Variants in NBPF10 observed in about 807,000 individuals in gnomAD.
NBPF10 encodes the protein NBPF member 10.
Under a neutral mutation model 77.9 loss-of-function variants are expected in NBPF10, and 63 were observed. The ratio of observed to expected loss-of-function variants is 0.81; its 90% CI spans 0.66 to 1.00. The LOEUF (loss-of-function observed/expected upper bound fraction) is 1.00. Ranked by LOEUF, NBPF10 falls within the 50% of genes least tolerant of loss-of-function variation. NBPF10 has a pLI of 0.00. For missense variants in NBPF10, 522 were observed against 679.8 expected (o/e 0.77, Z 2.58); for synonymous variants, 146 against 264.5 (o/e 0.55, Z 4.35).
At chr1:146,143,505 GAGGT>G (rs1165041362) in intron 1 of NBPF10, among the ~76,000 whole-genome samples, 1 of 119,804 alleles carries the variant, frequency 8.3e-6, no homozygotes, top group Admixed American at 9.4e-5. Context: ...GCAATTTACA[GAGGT>G]AGGTATTATT....
chr1:146,126,702 G>T (rs1156495415), intron 13 of NBPF10, among the ~76,000 whole-genome samples: 1 of 146,110 alleles, frequency 6.8e-6, no homozygotes, highest in African/African-American at 2.5e-5. Flanking sequence ...CTGTATTTGT[G>T]CTCTCAGGAC....
chr1:146,067,466 TC>T (rs1237155059), intron 88 of NBPF10, among the ~76,000 whole-genome samples, 178 bp from the exon 89 acceptor site: 1 of 135,830 alleles, frequency 7.4e-6, no homozygotes, highest in Admixed American at 7.7e-5. Flanking sequence ...TCGGTTTTTC[TC>T]CCAGAAACTG....
At chr1:146,142,313 T>G (rs6424355) in intron 2 of NBPF10, among the ~76,000 whole-genome samples, 2,168 of 125,240 alleles carry the variant, frequency 0.017, 111 homozygotes, top group African/African-American at 0.047. Flanking sequence ...AGGAGGTGAT[T>G]CTCACTAAGG....
rs371475271 is a variant in NBPF10 at position 146,125,059 on chromosome 1, GGAGA to G, written c.2079-203_2079-200del. Among the ~76,000 whole-genome samples, 6 of 69,592 alleles carry G rather than the reference GGAGA, an allele frequency of 8.6e-5. No homozygotes were observed. In the South Asian group the frequency reaches 2.4e-3, roughly 28 times the overall value. 45.7% of individuals were successfully genotyped at this position (69,592 alleles called of 152,430 possible). On this transcript the variant is annotated intron_variant, in intron 15 of 89. Coordinates refer to ENST00000583866, the Ensembl canonical transcript of NBPF10. ...GAATGAAAGAGAAAGACAGGGAGAG[GGAGA>G]GAGAGAGAGAGAGAGAGAGGAGAAA...
At chr1:146,085,866 G>A (rs4094368) in intron 65 of NBPF10, among the ~76,000 whole-genome samples, 1 of 12,212 alleles carries the variant, frequency 8.2e-5, no homozygotes, top group Non-Finnish European at 1.5e-4. Context: ...CAGCATACAG[G>A]GATCATGAAA....
chr1:146,134,359 C>T (rs1177830181), intron 8 of NBPF10, 94 bp from the exon 9 acceptor site: 6 of 1,009,182 alleles, frequency 5.9e-6, no homozygotes, highest in Non-Finnish European at 9.1e-6. Context: ...AACATCTAGG[C>T]ATGGGTCACC....
chr1:146,142,340 T>C (rs60767174), intron 2 of NBPF10, among the ~76,000 whole-genome samples: 1 of 131,290 alleles, frequency 7.6e-6, no homozygotes, highest in Non-Finnish European at 1.8e-5. Flanking sequence ...GGGGTGGCGA[T>C]AGCACACCAT....
chr1:146,126,462 A>G (rs1553790043), intron 13 of NBPF10, 54 bp from the exon 14 acceptor site: 1 of 778,728 alleles, frequency 1.3e-6, no homozygotes, highest in African/African-American at 1.7e-5. Context: ...GAAACCACAC[A>G]GCCCCAGCTA....
In NBPF10 at chr1:146,126,089, C is replaced by G. The variant is rs373813792; in HGVS notation, c.2026+147G>C. 1,879 of 645,510 alleles carry G rather than the reference C, an allele frequency of 2.9e-3. 63 individuals are homozygous for G. The East Asian group carries it at 0.042, about 15-fold the overall frequency. The allele number at this position is 645,510 out of a possible 1,614,324, so 40.0% of individuals were successfully genotyped here. Reference sequence around the variant, plus strand: ...CCCTTGTCTGGGCTTCCAAGTGGAACTAGAGTTTCATTCAACCTACATGTG... The same window carrying G: ...CCCTTGTCTGGGCTTCCAAGTGGAAGTAGAGTTTCATTCAACCTACATGTG... On this transcript the variant is annotated intron_variant, in intron 14 of 89. Transcript: ENST00000583866.
At chr1:146,126,119 T>C (rs1295784489) in intron 14 of NBPF10, 117 bp downstream of exon 14, 8 of 737,462 alleles carry the variant, frequency 1.1e-5, no homozygotes, top group Admixed American at 4.0e-5. Context: ...CATGTGCCTA[T>C]AGGTCCTCCC....
intron 4 of NBPF10, among the ~76,000 whole-genome samples, chr1:146,140,262 G>C (rs1660167106): frequency 7.9e-6 from 1 of 125,814 alleles, no homozygotes; most frequent in Non-Finnish European, 1.9e-5. Flanking sequence ...GAGCTGAGGA[G>C]GATGAAGACT....
At chr1:146,139,092 CTTTTTTTTTTTTTT>C (rs782186835) in intron 5 of NBPF10, among the ~76,000 whole-genome samples, 36 of 82,424 alleles carry the variant, frequency 4.4e-4, no homozygotes, top group South Asian at 3.7e-3. Context: ...CAGAGACTTA[CTTTTTTTTTTTTTT>C]TTTTTTTTTT....
At chr1:146,126,596 G>GAC (rs56881979) in intron 13 of NBPF10, among the ~76,000 whole-genome samples, 188 bp from the exon 14 acceptor site, 2,302 of 113,628 alleles carry the variant, frequency 0.02, 183 homozygotes, top group East Asian at 0.044. Flanking sequence ...GAACGAGAAA[G>GAC]ACACACACAC....
intron 14 of NBPF10, among the ~76,000 whole-genome samples, chr1:146,126,010 T>A (rs139233198): frequency 1.3e-5 from 2 of 151,272 alleles, no homozygotes; most frequent in Admixed American, 1.3e-4. Flanking sequence ...AGTAGGATTA[T>A]GGTGCCACAG....
exon 86 of NBPF10, chr1:146,069,547 C>T (rs782383917): frequency 7.5e-6 from 7 of 927,364 alleles, no homozygotes; most frequent in African/African-American, 2.6e-5. Context: ...ACTCACCATC[C>T]ATGTCAACAG....
intron 77 of NBPF10, among the ~76,000 whole-genome samples, 183 bp from the exon 78 acceptor site, chr1:146,076,224 G>C (rs1656025069): frequency 8.9e-5 from 1 of 11,228 alleles, no homozygotes; most frequent in Non-Finnish European, 2.1e-4. Flanking sequence ...AAGAATGAAA[G>C]AGAAAGACAG....
In NBPF10 at chr1:146,069,437, T is replaced by G. The variant is rs1396015608; in HGVS notation, c.10810+106A>C. The G allele has an allele frequency of 3.8e-5, 21 of 557,880 alleles. 4 individuals are homozygous for G. The East Asian group carries it at 6.1e-4, about 16-fold the overall frequency. 34.6% of individuals were successfully genotyped at this position (557,880 alleles called of 1,614,324 possible). A position where few individuals can be genotyped will look rare whatever the true frequency, so the allele number is the denominator to read the frequency against. On this transcript the variant is annotated intron_variant, in intron 86 of 89. Transcript: ENST00000583866. ...CCTACATATGCCTATAGGTCCTCCC[T>G]GTGGCAATGACATCTCTCAGCTCAG...
Position 146,126,437 on chromosome 1 carries a change from A to T in NBPF10, c.1854-29T>A, listed in dbSNP as rs1460657259. The stretch of plus-strand genomic sequence containing the variant: ...GAAAAGTAGGAAAAAGTAAAGAATA[A>T]GCCAGGGGGAATCAGAAACCACACA... On this transcript the variant is annotated intron_variant, in intron 13 of 89. Coordinates refer to ENST00000583866, the Ensembl canonical transcript of NBPF10. 4 of 943,902 alleles carry T rather than the reference A, an allele frequency of 4.2e-6. No individual in the cohort carries two copies. The Admixed American group carries it at 5.3e-5, about 13-fold the overall frequency. The allele number at this position is 943,902 out of a possible 1,614,324, so 58.5% of individuals were successfully genotyped here. A position where few individuals can be genotyped will look rare whatever the true frequency, so the allele number is the denominator to read the frequency against.
chr1:146,136,238 G>A (rs782668594), intron 7 of NBPF10, 115 bp downstream of exon 7: 2 of 849,666 alleles, frequency 2.4e-6, no homozygotes, highest in South Asian at 2.9e-5. Context: ...AGCCTGCCAT[G>A]GCAATTCCTG....
Sources: allele counts gnomAD v4.1 joint callset (sites outside exome capture counted in the v4.1 genomes callset), GRCh38; gene constraint gnomAD v4.1.1; transcripts MANE v1.5; gene names NCBI Gene and HGNC (gene_info 2026-07-23, HGNC 2026-07-21).